The following CHODL variants were observed in gnomAD, a reference collection of about 807,000 sequenced individuals.
CHODL encodes chondrolectin.
Under a neutral mutation model 34.5 loss-of-function variants are expected in CHODL, and 29 were observed. The observed-to-expected ratio is 0.84, with a 90% CI of 0.63 to 1.15. The LOEUF is 1.15. CHODL is among the 50% of genes most tolerant of loss of function. CHODL has a pLI of 0.00. For missense variants in CHODL, 332 were observed against 332.5 expected (o/e 1.00, Z 0.01); for synonymous variants, 125 against 116.1 (o/e 1.08, Z -0.49).
chr21:18,250,518 A>G (rs2074222887), intron 1 of CHODL, among the ~76,000 whole-genome samples: 2 of 151,950 alleles, frequency 1.3e-5, no homozygotes, highest in African/African-American at 4.8e-5. Context: ...TGCACTATGC[A>G]ATTAAGTACA....
chr21:18,107,629 T>G (rs2065289590), intron 2 of CHODL, among the ~76,000 whole-genome samples: 1 of 152,184 alleles, frequency 6.6e-6, no homozygotes, highest in African/African-American at 2.4e-5. Context: ...TGCTGCAGCA[T>G]AATAACTAGC....
chr21:18,186,805 G>A (rs1601121325), intron 2 of CHODL, among the ~76,000 whole-genome samples: 1 of 152,092 alleles, frequency 6.6e-6, no homozygotes, highest in Non-Finnish European at 1.5e-5. Flanking sequence ...TCTACCTGGT[G>A]GATATTTTTC....
intron 2 of CHODL, among the ~76,000 whole-genome samples, chr21:18,183,402 T>A (rs1440570229): frequency 1.3e-5 from 2 of 152,226 alleles, no homozygotes; most frequent in African/African-American, 4.8e-5. Flanking sequence ...TTCTACCATG[T>A]CATCTAAGTG....
intron 1 of CHODL, among the ~76,000 whole-genome samples, chr21:18,249,667 TATGGAGACAGCATAGAAAC>T (rs1283710468): frequency 8.5e-5 from 13 of 152,248 alleles, no homozygotes; most frequent in South Asian, 8.3e-4. Context: ...GTTTGAGACA[TATGGAGACAGCATAGAAAC>T]CTGGTAAAAG....
chr21:18,080,489 T>A (rs1407595490), intron 2 of CHODL, among the ~76,000 whole-genome samples: 1 of 152,192 alleles, frequency 6.6e-6, no homozygotes. Context: ...CTTTAATTAA[T>A]CTTGAGTTGA....
chr21:17,959,443 G>A (rs1433979508), intron 1 of CHODL, among the ~76,000 whole-genome samples: 3 of 152,110 alleles, frequency 2.0e-5, no homozygotes, highest in African/African-American at 7.2e-5. Context: ...AGCCATTTGG[G>A]ATCCAGAAAA....
chr21:18,214,225 T>C (rs2073801347), intron 2 of CHODL, among the ~76,000 whole-genome samples: 1 of 152,114 alleles, frequency 6.6e-6, no homozygotes, highest in Non-Finnish European at 1.5e-5. Context: ...TATTTATCCA[T>C]TAAGAAATGT....
intron 2 of CHODL, among the ~76,000 whole-genome samples, chr21:18,106,643 C>T (rs1410730665): frequency 6.6e-6 from 1 of 151,898 alleles, no homozygotes; most frequent in Non-Finnish European, 1.5e-5. Flanking sequence ...TACAGTTGCC[C>T]ACCACCACAC....
chr21:18,029,578 A>G (rs938517842), intron 2 of CHODL, among the ~76,000 whole-genome samples: 40 of 152,252 alleles, frequency 2.6e-4, no homozygotes, highest in African/African-American at 9.1e-4. Context: ...GGGATATTTT[A>G]TCTATCTATA....
intron 2 of CHODL, among the ~76,000 whole-genome samples, chr21:18,062,714 C>G (rs117969131): frequency 0.016 from 2,416 of 152,110 alleles, 33 homozygotes; most frequent in Middle Eastern, 0.027. Context: ...TGCAGTGAGC[C>G]GAGATAGCAC....
intron 2 of CHODL, among the ~76,000 whole-genome samples, chr21:18,064,573 G>A (rs775167044): frequency 1.8e-4 from 28 of 152,132 alleles, no homozygotes; most frequent in African/African-American, 4.8e-4. Flanking sequence ...ATTGGCTTAT[G>A]AGCCTGCCAG....
chr21:18,155,187 A>G (rs1361516940), intron 2 of CHODL, among the ~76,000 whole-genome samples: 1 of 152,118 alleles, frequency 6.6e-6, no homozygotes, highest in Non-Finnish European at 1.5e-5. Flanking sequence ...CAAATGAGAG[A>G]TGTGTAAAAG....
chr21:18,246,788 C>A (rs1166007931), intron 1 of CHODL, among the ~76,000 whole-genome samples: 1 of 152,036 alleles, frequency 6.6e-6, no homozygotes, highest in Non-Finnish European at 1.5e-5. Context: ...AAAATAATAT[C>A]TAAAGTAAAA....
At chr21:18,092,463 A>G (rs1362948017) in intron 2 of CHODL, among the ~76,000 whole-genome samples, 2 of 152,222 alleles carry the variant, frequency 1.3e-5, no homozygotes, top group East Asian at 3.9e-4. Flanking sequence ...CAGGAAAACA[A>G]GACCTCACCA....
At chr21:17,920,527 CAT>C (rs759782680) in intron 1 of CHODL, among the ~76,000 whole-genome samples, 2 of 152,196 alleles carry the variant, frequency 1.3e-5, no homozygotes, top group Non-Finnish European at 2.9e-5. Flanking sequence ...CCTCCCATGA[CAT>C]ATGAGAATTA....
chr21:18,046,784 GT>G (rs767694976), intron 2 of CHODL, among the ~76,000 whole-genome samples: 3 of 151,844 alleles, frequency 2.0e-5, no homozygotes, highest in Non-Finnish European at 2.9e-5. Context: ...TACTTTAGTT[GT>G]CACAAAATAG....
intron 2 of CHODL, among the ~76,000 whole-genome samples, chr21:18,082,606 T>G (rs1600978794): frequency 6.6e-6 from 1 of 152,258 alleles, no homozygotes; most frequent in Middle Eastern, 3.4e-3. Flanking sequence ...CAGGCTGAAG[T>G]GGTCTCAAAT....
chr21:18,060,524 G>C (rs1177624701), intron 2 of CHODL, among the ~76,000 whole-genome samples: 1 of 151,638 alleles, frequency 6.6e-6, no homozygotes, highest in Non-Finnish European at 1.5e-5. Flanking sequence ...TGATGCTCCA[G>C]GAAACTGGAA....
intron 2 of CHODL, among the ~76,000 whole-genome samples, chr21:18,226,894 T>C (rs533585088): frequency 6.6e-5 from 10 of 152,286 alleles, no homozygotes; most frequent in Admixed American, 6.5e-4. Flanking sequence ...CTGTTTTATT[T>C]ATCTGCATCT....
Sources: allele counts gnomAD v4.1 joint callset (sites outside exome capture counted in the v4.1 genomes callset), GRCh38; gene constraint gnomAD v4.1.1; transcripts MANE v1.5; gene names NCBI Gene and HGNC (gene_info 2026-07-23, HGNC 2026-07-21).